Variants in MVD observed in about 807,000 individuals in gnomAD.
MVD encodes mevalonate diphosphate decarboxylase.
Under a neutral mutation model 42.4 loss-of-function variants are expected in MVD, and 52 were observed. That is an observed-to-expected ratio of 1.23 (90% CI 0.98 to 1.55). The LOEUF is 1.55. Ranked by LOEUF, MVD falls within the 40% of genes most tolerant of loss-of-function variation. MVD has a pLI of 0.00. For synonymous variants in MVD, 287 were observed against 243.2 expected (o/e 1.18, Z -1.68); for missense variants, 663 against 572.1 (o/e 1.16, Z -1.62).
Position 88,652,348 on chromosome 16 carries a change from T to C in MVD, c.*177A>G, listed in dbSNP as rs576100576. The C allele has an allele frequency of 1.4e-4, 97 of 693,108 alleles. No individual in the cohort carries two copies. The East Asian group carries it at 2.6e-3, about 19-fold the overall frequency. The allele number at this position is 693,108 out of a possible 1,614,324, so 42.9% of individuals were successfully genotyped here. On this transcript the variant is annotated 3_prime_UTR_variant, in exon 10 of 10. Coordinates refer to ENST00000301012, the MANE Select transcript of MVD (RefSeq NM_002461.3). ...AGCTGAAGCACTCGGCGGGGACCTC[T>C]CCTGACACCTGGGCGGCCGCAGGAC...
chr16:88,654,608 C>T, intron 8 of MVD, 84 bp downstream of exon 8: 1 of 1,380,008 alleles, frequency 7.2e-7, no homozygotes, highest in South Asian at 1.4e-5. Context: ...CTCAGCGCCA[C>T]AGCCTTCAGG....
At chr16:88,656,490 G>C (rs11639637) in intron 4 of MVD, 186 bp from the exon 5 acceptor site, 100,787 of 641,352 alleles carry the variant, frequency 0.16, 9,208 homozygotes, top group South Asian at 0.23. Flanking sequence ...ACCTCCGCTA[G>C]TTCCACTCTC....
intron 8 of MVD, chr16:88,653,609 T>A: frequency 1.8e-6 from 1 of 545,294 alleles, no homozygotes; most frequent in Non-Finnish European, 3.2e-6. Flanking sequence ...GAGGTGGTGC[T>A]CACATGACCC....
chr16:88,662,926 G>T, intron 1 of MVD, 85 bp downstream of exon 1: 2 of 1,541,412 alleles, frequency 1.3e-6, no homozygotes, highest in Non-Finnish European at 1.7e-6. Context: ...GCAGGACGGA[G>T]CGCGCCGCCG....
chr16:88,658,595 T>C, intron 2 of MVD, 55 bp downstream of exon 2: 1 of 1,561,860 alleles, frequency 6.4e-7, no homozygotes, highest in East Asian at 2.3e-5. Flanking sequence ...TACCAACTGT[T>C]CTACAAATGT....
intron 2 of MVD, among the ~76,000 whole-genome samples, chr16:88,658,359 G>T (rs917826176): frequency 6.6e-6 from 1 of 152,214 alleles, no homozygotes; most frequent in African/African-American, 2.4e-5. Context: ...CTGGGAGATG[G>T]AACAGACACT....
At chr16:88,656,474 TCCC>T (rs1033607591) in intron 4 of MVD, 170 bp from the exon 5 acceptor site, 1 of 683,982 alleles carries the variant, frequency 1.5e-6, no homozygotes, top group African/African-American at 1.8e-5. Flanking sequence ...CAGCCGTCTG[TCCC>T]CCACCTCCGC....
rs993565165 is a variant in MVD at position 88,652,617 on chromosome 16, A to C, written c.1123-12T>G. On this transcript the variant is annotated splice_polypyrimidine_tract_variant and intron_variant, in intron 9 of 9. Coordinates refer to ENST00000301012, the MANE Select transcript of MVD (RefSeq NM_002461.3). ...GGCCCTGGCCCCACCTGGGGATAGA[A>C]ATCCATGTCAGGTCACCAGGAATGG... is the stretch of plus-strand genomic sequence containing the variant. The C allele has an allele frequency of 6.4e-7, 1 of 1,551,710 alleles. No homozygotes were observed. The highest frequency in any genetic ancestry group is 1.9e-5 in the Admixed American group (1 of 51,450).
In MVD at chr16:88,653,397, C is replaced by T. The variant is rs1327401553; in HGVS notation, c.1025G>A (p.Gly342Glu). 6.2e-7 allele frequency: 1 copy of T among 1,606,098 alleles called. No individual in the cohort carries two copies. The highest frequency in any genetic ancestry group is 8.5e-7 in the Non-Finnish European group (1 of 1,177,880). ...GAGAGGGGCCGGCCTCACCTGCAGCCCCTTCAGAAACCTGGAAAAGCAGGG... is the reference window on the plus strand; with the variant it reads ...GAGAGGGGCCGGCCTCACCTGCAGCTCCTTCAGAAACCTGGAAAAGCAGGG... ...PGSNGDTFLK[G>E]LQVRPAPLSA... The change falls in exon 9 of 10, where the codon GGG (glycine) becomes GAG (glutamate). Residue 342 changes from glycine (G) to glutamate (E), a missense_variant. Physicochemically the swap from Gly to Glu is moderately conservative, Grantham distance 98. Coordinates refer to ENST00000301012, the MANE Select transcript of MVD (RefSeq NM_002461.3).
At chr16:88,654,075 G>C (rs1235511510) in intron 8 of MVD, among the ~76,000 whole-genome samples, 3 of 152,068 alleles carry the variant, frequency 2.0e-5, no homozygotes, top group African/African-American at 7.2e-5. Context: ...TAAGGAGGCT[G>C]GGCCAAGCTG....
chr16:88,657,520 T>C lies in MVD; in HGVS notation c.319A>G (p.Ser107Gly). ...RDGDPLPSSL[S>G]CKVHVASVNN... ...ACCGATGCCACGTGCACCTTGCAGC[T>C]GAGGCTGGAGGGCAGCGGGTCCCCA... Residue 107 changes from serine (S) to glycine (G), a missense_variant, in exon 4 of 10, where the codon AGC becomes GGC. By Grantham distance (56) the Ser-to-Gly change is moderately conservative. Transcript: ENST00000301012. 6.2e-7 allele frequency: 1 copy of C among 1,612,808 alleles called. No individual in the cohort carries two copies. Among genetic ancestry groups the C allele is most frequent in the Non-Finnish European group, 8.5e-7 (1 of 1,179,938 alleles).
At position 88,657,941 on chromosome 16, in the gene MVD, G is replaced by A. The variant is rs762031727; in HGVS notation, c.230C>T (p.Pro77Leu). ...CTCCCGCAGGCAGGCCTGCAGCCGC[G>A]GCTGCCCCACATCCTCCTCCCGGCC... is the stretch of plus-strand genomic sequence containing the variant. The part of the protein sequence containing the change: ...LNGREEDVGQ[P>L]RLQACLREIR... The change falls in exon 3 of 10, where the codon CCG becomes CTG. Residue 77 changes from proline to leucine, a missense_variant. Physicochemically the swap from Pro to Leu is moderately conservative, Grantham distance 98 (BLOSUM62 -3). Transcript: ENST00000301012. 5.6e-6 allele frequency: 9 copies of A among 1,613,748 alleles called. No homozygotes were observed. The highest frequency in any genetic ancestry group is 1.7e-4 in the Middle Eastern group (1 of 6,028).
rs1013298796 is a variant in MVD, at chr16:88,661,919, C to T, written c.70+1092G>A. On this transcript the variant is annotated intron_variant, in intron 1 of 9. Coordinates refer to ENST00000301012, the MANE Select transcript of MVD (RefSeq NM_002461.3). ...ACATCTATATAGGTGTATACATATACACACACATATATCTATACAGGTGTA... is the reference window on the plus strand; with the variant it reads ...ACATCTATATAGGTGTATACATATATACACACATATATCTATACAGGTGTA... Among the ~76,000 whole-genome samples the T allele has an allele frequency of 3.5e-5, 4 of 114,848 alleles. No individual in the cohort carries two copies. The Admixed American group carries it at 4.0e-4, about 11-fold the overall frequency. 75.3% of individuals were successfully genotyped at this position (114,848 alleles called of 152,430 possible). A position where few individuals can be genotyped will look rare whatever the true frequency, so the allele number is the denominator to read the frequency against.
At chr16:88,657,139 G>GGT (rs578233328) in intron 4 of MVD, 4 of 601,692 alleles carry the variant, frequency 6.6e-6, no homozygotes, top group Non-Finnish European at 1.2e-5. Context: ...ATGGGGGGGG[G>GGT]TCTCACTATG....
In MVD at chr16:88,656,161, CG is replaced by C; in HGVS notation, c.546del (p.Ile182MetfsTer21). ...TGTGACTCGGGGGCCACTTGCCGAG[CG>C]ATGCTGTCCTTCCCGTCGGCCTGCT... is the stretch of plus-strand genomic sequence containing the variant. ...MGEQADGKDS[I>X]ARQVAPESHW... On this transcript the variant is annotated frameshift_variant, in exon 5 of 10. Transcript: ENST00000301012. 1 of 1,602,146 alleles carries C rather than the reference CG, an allele frequency of 6.2e-7. No homozygotes were observed. Among genetic ancestry groups the C allele is most frequent in the Non-Finnish European group, 8.5e-7 (1 of 1,179,920 alleles).
At chr16:88,657,814 C>T (rs1908032179) in intron 3 of MVD, 101 bp downstream of exon 3, 5 of 1,357,470 alleles carry the variant, frequency 3.7e-6, no homozygotes, top group Admixed American at 3.9e-5. Context: ...CCAGCCACCC[C>T]GCCTGCTGCC....
At position 88,653,341 on chromosome 16, in the gene MVD, C is replaced by G. The variant is rs1907700241; in HGVS notation, c.1081G>C (p.Glu361Gln). The change falls in exon 9 of 10, where the codon GAG becomes CAG. Residue 361 changes from glutamate to glutamine, a missense_variant. Physicochemically the swap from Glu to Gln is conservative, Grantham distance 29. Transcript: ENST00000301012. ...TATTTGACCCCACCGGGGGTCGGCT[C>G]CATGGCCAGCGCAGCCTGAAGCTCA... ...SAELQAALAM[E>Q]PTPGGVKYII... 2 of 1,600,192 alleles carry G rather than the reference C, an allele frequency of 1.2e-6. No homozygotes were observed. Among genetic ancestry groups the G allele is most frequent in the Admixed American group, 1.8e-5 (1 of 55,222 alleles).
At chr16:88,656,406 G>C (rs1907933566) in intron 4 of MVD, 102 bp from the exon 5 acceptor site, 1 of 1,281,232 alleles carries the variant, frequency 7.8e-7, no homozygotes, top group South Asian at 1.3e-5. Flanking sequence ...GGCAAATGGG[G>C]ATTTCCAGAT....
intron 2 of MVD, 93 bp downstream of exon 2, chr16:88,658,557 G>A: frequency 8.0e-7 from 1 of 1,245,922 alleles, no homozygotes. Flanking sequence ...TGCTGGGATT[G>A]CAGATGTGAG....
Sources: gnomAD v4.1 joint callset for allele counts (sites outside exome capture counted in the v4.1 genomes callset) on GRCh38, gnomAD v4.1.1 for gene constraint, MANE v1.5 for transcripts, NCBI Gene and HGNC (gene_info 2026-07-23, HGNC 2026-07-21) for gene names.